LIG1: variants seen among roughly 807,000 people sequenced by gnomAD.
The protein encoded by LIG1 is DNA ligase 1, also known as ligase I, DNA, ATP-dependent.
A neutral mutation model predicts 115.7 loss-of-function variants in LIG1; 70 were observed. That is an observed-to-expected ratio of 0.60 (90% CI 0.50 to 0.74). The LOEUF (loss-of-function observed/expected upper bound fraction) is 0.74, where lower values mean the gene tolerates loss of function less well. LIG1 is among the 30% of genes least tolerant of loss of function. The pLI is 0.00. For missense variants in LIG1, 1,115 were observed against 1,225.6 expected (o/e 0.91, Z 1.35); for synonymous variants, 487 against 495.3 (o/e 0.98, Z 0.22).
intron 11 of LIG1, among the ~76,000 whole-genome samples, chr19:48,143,201 C>T (rs899051105): frequency 6.6e-6 from 1 of 152,178 alleles, no homozygotes; most frequent in Non-Finnish European, 1.5e-5. Context: ...AATATGGAGA[C>T]ATGTAAGCAA....
At chr19:48,128,195 A>T (rs1212590857) in intron 19 of LIG1, among the ~76,000 whole-genome samples, 175 bp from the exon 20 acceptor site, 1 of 152,044 alleles carries the variant, frequency 6.6e-6, no homozygotes, top group Admixed American at 6.6e-5. Flanking sequence ...ACAGAAACTA[A>T]TGTCTCTGAG....
At chr19:48,132,663 C>T (rs934673236) in intron 18 of LIG1, among the ~76,000 whole-genome samples, 12 of 151,486 alleles carry the variant, frequency 7.9e-5, no homozygotes, top group East Asian at 1.9e-4. Flanking sequence ...CGGTAGCGGG[C>T]GCCTGTAGTC....
chr19:48,124,653 T>C (rs185268978), intron 21 of LIG1, among the ~76,000 whole-genome samples: 134 of 152,356 alleles, frequency 8.8e-4, no homozygotes, highest in African/African-American at 2.4e-4. Context: ...ATCTTAGACA[T>C]TGGATTAAAG....
intron 5 of LIG1, chr19:48,154,192 C>A: frequency 1.8e-6 from 1 of 558,984 alleles, no homozygotes; most frequent in Admixed American, 2.7e-5. Flanking sequence ...TTTGCTCTCT[C>A]ACGACTGCAG....
intron 21 of LIG1, among the ~76,000 whole-genome samples, chr19:48,126,307 T>C (rs1383421298): frequency 2.6e-5 from 4 of 151,334 alleles, no homozygotes; most frequent in Admixed American, 6.6e-5. Flanking sequence ...TCTTTAACAC[T>C]CTTAAAAATT....
At chr19:48,140,757 C>T (rs1013565461) in intron 11 of LIG1, among the ~76,000 whole-genome samples, 5 of 152,128 alleles carry the variant, frequency 3.3e-5, no homozygotes, top group African/African-American at 4.8e-5. Flanking sequence ...GAACAGAAGA[C>T]AGCAAGAAAA....
intron 19 of LIG1, 147 bp from the exon 20 acceptor site, chr19:48,128,167 A>T: frequency 1.4e-6 from 1 of 705,724 alleles, no homozygotes; most frequent in Non-Finnish European, 2.6e-6. Flanking sequence ...CTTTTCTTTT[A>T]TTCCCCACCA....
rs113088112 is a variant in LIG1, at chr19:48,161,267, G to A, written c.243+105C>T. ...ACCAGGAAACACATCTACCTCTCCCGGGCAATTTCTCCAGAATTCTCCTGA... is the reference window on the plus strand; with the variant it reads ...ACCAGGAAACACATCTACCTCTCCCAGGCAATTTCTCCAGAATTCTCCTGA... On this transcript the variant is annotated intron_variant, in intron 4 of 27. Transcript: ENST00000263274. The A allele has an allele frequency of 1.3e-4, 194 of 1,519,702 alleles. 4 individuals are homozygous for A. The East Asian group carries it at 1.3e-3, about 10-fold the overall frequency. The allele number at this position is 1,519,702 out of a possible 1,614,324, so 94.1% of individuals were successfully genotyped here. A position where few individuals can be genotyped will look rare whatever the true frequency, so the allele number is the denominator to read the frequency against.
At chr19:48,149,406 C>T (rs1038770238) in intron 9 of LIG1, among the ~76,000 whole-genome samples, 7 of 152,138 alleles carry the variant, frequency 4.6e-5, no homozygotes, top group East Asian at 1.9e-4. Flanking sequence ...TTTCTCCTGA[C>T]GGCTCTGGGG....
At chr19:48,154,016 TC>T in intron 5 of LIG1, 49 bp from the exon 6 acceptor site, 1 of 1,514,872 alleles carries the variant, frequency 6.6e-7, no homozygotes, top group Non-Finnish European at 9.2e-7. Flanking sequence ...GCTCGTGTGC[TC>T]CCATCCCGGA....
At chr19:48,120,853 A>G in intron 24 of LIG1, 1 of 882,396 alleles carries the variant, frequency 1.1e-6, no homozygotes, top group African/African-American at 1.8e-5. Context: ...CTGAATCCCT[A>G]ATGGCATCAG....
intron 1 of LIG1, chr19:48,170,025 C>T: frequency 5.8e-6 from 2 of 342,816 alleles, no homozygotes; most frequent in Non-Finnish European, 1.2e-5. Flanking sequence ...CTCTCGTCTA[C>T]CCTCTACCTG....
intron 7 of LIG1, 57 bp from the exon 8 acceptor site, chr19:48,150,267 TTC>T: frequency 6.2e-7 from 1 of 1,611,582 alleles, no homozygotes; most frequent in Admixed American, 1.7e-5. Context: ...GACTTTTTTT[TTC>T]TTTTTTTTTA....
At position 48,137,869 on chromosome 19, in the gene LIG1, C is replaced by T. The variant is rs3730965; in HGVS notation, c.1088-181G>A. 228 of 720,212 alleles carry T rather than the reference C, an allele frequency of 3.2e-4. No homozygotes were observed. In the African/African-American group the frequency reaches 3.4e-3, roughly 11 times the overall value. The allele number at this position is 720,212 out of a possible 1,614,324, so 44.6% of individuals were successfully genotyped here. A position where few individuals can be genotyped will look rare whatever the true frequency, so the allele number is the denominator to read the frequency against. On this transcript the variant is annotated intron_variant, in intron 12 of 27. Coordinates refer to ENST00000263274, the MANE Select transcript of LIG1 (RefSeq NM_000234.3). This position sits in a 1 kb window ranked among gnomAD's most constrained non-coding sequence, Gnocchi z 4.3. The stretch of plus-strand genomic sequence containing the variant: ...GGCTTGGGGAACGTGCCCCCAGCCA[C>T]GCTGGCTGTAGGAAGTCAGCAAACA...
At chr19:48,146,759 G>A (rs2035141115) in intron 9 of LIG1, among the ~76,000 whole-genome samples, 1 of 152,192 alleles carries the variant, frequency 6.6e-6, no homozygotes, top group South Asian at 2.1e-4. Context: ...GATTTTATTT[G>A]GAAAACATAT....
intron 12 of LIG1, 140 bp downstream of exon 12, chr19:48,139,831 T>C: frequency 1.0e-6 from 1 of 968,268 alleles, no homozygotes; most frequent in Non-Finnish European, 1.6e-6. Context: ...TCTGTCCCCA[T>C]CAGGCTCTCC....
intron 12 of LIG1, among the ~76,000 whole-genome samples, chr19:48,138,834 G>A (rs567267261): frequency 1.6e-3 from 238 of 152,260 alleles, no homozygotes; most frequent in Non-Finnish European, 2.9e-3. Context: ...ATTCTTAACC[G>A]ACCCCGTGTG....
Position 48,157,109 on chromosome 19 carries a change from G to A in LIG1, c.275C>T (p.Pro92Leu), listed in dbSNP as rs1027225095. ...KPALDCSQVSPPRPATSPENN... is the reference protein window; with the variant it reads ...KPALDCSQVSLPRPATSPENN... Reference sequence around the variant, plus strand: ...CTCAGGAGATGTGGCAGGACGGGGCGGGGAGACCTGTGAGCAGTCCAGGGC... The same window carrying A: ...CTCAGGAGATGTGGCAGGACGGGGCAGGGAGACCTGTGAGCAGTCCAGGGC... The change falls in exon 5 of 28, where the codon CCG (proline) becomes CTG (leucine). Residue 92 changes from proline to leucine, a missense_variant. Transcript: ENST00000263274. 3.1e-5 allele frequency: 50 copies of A among 1,613,418 alleles called. No individual in the cohort carries two copies. Among genetic ancestry groups the A allele is most frequent in the Middle Eastern group, 1.7e-4 (1 of 6,054 alleles).
chr19:48,127,238 C>T (rs1189079888), intron 21 of LIG1, 39 bp downstream of exon 21: 4 of 1,554,748 alleles, frequency 2.6e-6, no homozygotes, highest in Non-Finnish European at 3.5e-6. Context: ...CCCACCCCGT[C>T]ACCCCTCAGC....
Sources: allele counts gnomAD v4.1 joint callset (sites outside exome capture counted in the v4.1 genomes callset), GRCh38; gene constraint gnomAD v4.1.1; non-coding constraint Gnocchi (gnomAD v3.1); transcripts MANE v1.5; gene names NCBI Gene and HGNC (gene_info 2026-07-23, HGNC 2026-07-21).